The following VXN variants were observed in gnomAD, a reference collection of about 807,000 sequenced individuals.
VXN encodes the protein vexin, also known as uncharacterized protein C8orf46.
A neutral mutation model predicts 23.1 loss-of-function variants in VXN; 7 were observed. The observed-to-expected ratio is 0.30, with a 90% CI of 0.17 to 0.57. VXN has a LOEUF of 0.57. Among genes scored for constraint, VXN ranks in the 20% least tolerant of loss-of-function variants. The pLI is 0.91. For synonymous variants in VXN, 120 were observed against 105.8 expected, an observed-to-expected ratio of 1.13 and a Z score of -0.83; for missense variants, 238 against 272.6, an observed-to-expected ratio of 0.87 and a Z score of 0.89.
rs1024190734 is a variant in VXN at position 66,513,409 on chromosome 8, T to C, written c.343-131T>C. 6.3e-6 allele frequency: 5 copies of C among 799,854 alleles called. No homozygotes were observed. The African/African-American group carries it at 6.8e-5, about 11-fold the overall frequency. 49.5% of individuals were successfully genotyped at this position (799,854 alleles called of 1,614,324 possible). ...AAGCCCTCCAGGGCAGTCCCACACC[T>C]GCTGAATGATGAGGACTATGCCCAG... On this transcript the variant is annotated intron_variant, in intron 4 of 5. Transcript: ENST00000305454.
At chr8:66,498,352 A>G (rs796066323) in intron 2 of VXN, among the ~76,000 whole-genome samples, 1 of 152,008 alleles carries the variant, frequency 6.6e-6, no homozygotes, top group African/African-American at 2.4e-5. Flanking sequence ...AAATAATAAT[A>G]ATGTCCTTTG....
rs1435329858 is a variant in VXN, at chr8:66,516,003, G to A, written c.551G>A (p.Arg184Gln). Reference protein sequence around the residue: ...SASCGVPGILRKMWTRHKKKS... With the variant: ...SASCGVPGILQKMWTRHKKKS... ...TCCTGCGGCGTCCCCGGCATCCTCC[G>A]GAAAATGTGGACAAGGCACAAGAAG... Residue 184 changes from arginine (R) to glutamine (Q), a missense_variant, in exon 6 of 6, where the codon CGG becomes CAG. Arg to Gln is a conservative substitution (Grantham distance 43). Transcript: ENST00000305454. The A allele has an allele frequency of 1.4e-5, 23 of 1,613,666 alleles. No individual in the cohort carries two copies. The highest frequency in any genetic ancestry group is 7.7e-5 in the South Asian group (7 of 91,078).
intron 1 of VXN, among the ~76,000 whole-genome samples, chr8:66,494,230 C>T (rs1807600344): frequency 1.3e-5 from 2 of 152,148 alleles, no homozygotes; most frequent in Admixed American, 6.5e-5. Context: ...GAACCCAGGG[C>T]CACCTTGCAA....
At chr8:66,497,144 A>G (rs1356284900) in intron 2 of VXN, among the ~76,000 whole-genome samples, 3 of 152,210 alleles carry the variant, frequency 2.0e-5, no homozygotes, top group African/African-American at 4.8e-5. Context: ...TGGCCTTCCA[A>G]AGTGCTGGGA....
At chr8:66,510,636 C>G (rs1260773846) in intron 4 of VXN, among the ~76,000 whole-genome samples, 1 of 152,180 alleles carries the variant, frequency 6.6e-6, no homozygotes, top group Non-Finnish European at 1.5e-5. Flanking sequence ...AACAATTTCT[C>G]ACAGTTCTGG....
chr8:66,513,436 C>T (rs906459450), intron 4 of VXN, 104 bp from the exon 5 acceptor site: 32 of 918,876 alleles, frequency 3.5e-5, no homozygotes, highest in Middle Eastern at 2.2e-4. Context: ...TATGCCCAGG[C>T]GGTGGTGGTT....
chr8:66,513,852 A>G (rs991021118), intron 5 of VXN: 6 of 508,364 alleles, frequency 1.2e-5, no homozygotes, highest in Non-Finnish European at 1.7e-5. Flanking sequence ...AGGGTTTTTC[A>G]TGGTTTCCAC....
chr8:66,502,466 C>T lies in VXN; in HGVS notation c.127-2909C>T, dbSNP rs138702704. ...TCCTGATTTTTTGAAATGCACAGAG[C>T]GCCGTGCACAGTGGCTCGCACCTGT... is the stretch of plus-strand genomic sequence containing the variant. On this transcript the variant is annotated intron_variant, in intron 2 of 5. Transcript: ENST00000305454. 4.3e-3 allele frequency among the ~76,000 whole-genome samples: 650 copies of T among 152,198 alleles called. 9 individuals are homozygous for T. Among genetic ancestry groups the T allele is most frequent in the African/African-American group, 0.015 (613 of 41,522 alleles).
chr8:66,500,608 C>T (rs966617586), intron 2 of VXN, among the ~76,000 whole-genome samples: 4 of 152,054 alleles, frequency 2.6e-5, no homozygotes, highest in Non-Finnish European at 4.4e-5. Flanking sequence ...GAGGTTTGGG[C>T]TTCTAATGAT....
chr8:66,510,207 G>A, intron 4 of VXN, 50 bp downstream of exon 4: 1 of 1,431,126 alleles, frequency 7.0e-7, no homozygotes, highest in Middle Eastern at 1.8e-4. Context: ...TTAAACTTCT[G>A]GTCATGTCTG....
intron 3 of VXN, among the ~76,000 whole-genome samples, chr8:66,506,546 A>G (rs1807761957): frequency 6.6e-6 from 1 of 152,108 alleles, no homozygotes; most frequent in African/African-American, 2.4e-5. Flanking sequence ...ACCTAAAGTT[A>G]TTCATATTTT....
chr8:66,494,192 G>A (rs944625759), intron 1 of VXN, among the ~76,000 whole-genome samples: 6 of 152,160 alleles, frequency 3.9e-5, no homozygotes, highest in Non-Finnish European at 5.9e-5. Flanking sequence ...GTCAGAGAGC[G>A]CCCTGACCCT....
intron 4 of VXN, among the ~76,000 whole-genome samples, chr8:66,513,243 T>C (rs1807845381): frequency 1.3e-5 from 2 of 152,254 alleles, no homozygotes; most frequent in African/African-American, 4.8e-5. Context: ...CTCTCCTGAG[T>C]TTCTCTAGGT....
In VXN at chr8:66,517,380, T is replaced by C. The variant is rs2130565020; in HGVS notation, c.*1304T>C. The C allele has an allele frequency of 6.6e-6, 1 of 152,332 alleles. No individual in the cohort carries two copies. The highest frequency in any genetic ancestry group is 1.9e-4 in the East Asian group (1 of 5,194). The allele number at this position is 152,332 out of a possible 1,614,324, so 9.4% of individuals were successfully genotyped here. On this transcript the variant is annotated 3_prime_UTR_variant, in exon 6 of 6. Coordinates refer to ENST00000305454, the MANE Select transcript of VXN (RefSeq NM_152765.4). ...TAGGTGGCCCTATCCACTTAATAGA[T>C]GCCAATTCAAAGAGGTTAAATGATT...
intron 4 of VXN, chr8:66,510,470 C>T (rs1176302733): frequency 1.5e-5 from 4 of 261,168 alleles, no homozygotes; most frequent in South Asian, 6.4e-5. Flanking sequence ...GTTTCTATCA[C>T]AGGACCCCGC....
rs1290934263 is a variant in VXN, at chr8:66,508,345, C to G, written c.281-1751C>G. On this transcript the variant is annotated intron_variant, in intron 3 of 5. Coordinates refer to ENST00000305454, the MANE Select transcript of VXN (RefSeq NM_152765.4). ...CGTCAGTGAAGGGCCCAGCCTCCAG[C>G]CCCTCCCACCAGGCTACCAGAGAGG... is the stretch of plus-strand genomic sequence containing the variant. Among the ~76,000 whole-genome samples the G allele has an allele frequency of 3.9e-5, 6 of 152,266 alleles. No individual in the cohort carries two copies. The East Asian group carries it at 1.2e-3, about 29-fold the overall frequency.
intron 5 of VXN, 189 bp downstream of exon 5, chr8:66,513,826 C>T: frequency 1.8e-6 from 1 of 549,982 alleles, no homozygotes; most frequent in South Asian, 2.6e-5. Flanking sequence ...CAACTGTTTC[C>T]CTAGGATTAA....
At chr8:66,509,267 C>T (rs539661213) in intron 3 of VXN, among the ~76,000 whole-genome samples, 1 of 152,304 alleles carries the variant, frequency 6.6e-6, no homozygotes, top group African/African-American at 2.4e-5. Flanking sequence ...CCCAGAGAGA[C>T]CTGTGCTGAA....
intron 4 of VXN, among the ~76,000 whole-genome samples, 164 bp from the exon 5 acceptor site, chr8:66,513,376 T>C (rs984922838): frequency 2.0e-5 from 3 of 152,216 alleles, no homozygotes; most frequent in Non-Finnish European, 4.4e-5. Flanking sequence ...GGCCTGGCAC[T>C]GTTTATCAAG....
Sources: gnomAD v4.1 joint callset for allele counts (sites outside exome capture counted in the v4.1 genomes callset) on GRCh38, gnomAD v4.1.1 for gene constraint, MANE v1.5 for transcripts, NCBI Gene and HGNC (gene_info 2026-07-23, HGNC 2026-07-21) for gene names.